STOM: variants seen among roughly 807,000 people sequenced by gnomAD.
The protein encoded by STOM is stomatin, also known as erythrocyte band 7 integral membrane protein.
A neutral mutation model predicts 30.6 loss-of-function variants in STOM; 25 were observed. That is an observed-to-expected ratio of 0.82 (90% CI 0.60 to 1.14). The LOEUF (loss-of-function observed/expected upper bound fraction) is 1.14. Among genes scored for constraint, STOM ranks in the 50% most tolerant of loss-of-function variants. The pLI is 0.00. For missense variants in STOM, 292 were observed against 365.2 expected, an observed-to-expected ratio of 0.80 and a Z score of 1.63; for synonymous variants, 118 against 130.8, an observed-to-expected ratio of 0.90 and a Z score of 0.67.
chr9:121,348,097 T>C lies in STOM; in HGVS notation c.578A>G (p.Glu193Gly). Residue 193 changes from glutamate (E) to glycine (G), a missense_variant, in exon 6 of 7, where the codon GAA becomes GGA. Coordinates refer to ENST00000286713, the MANE Select transcript of STOM (RefSeq NM_004099.6). ...DAWGIKVERV[E>G]IKDVKLPVQL... ...CACAGGTAGTTTCACATCCTTAATTTCCACACGCTCCACCTTTATTCCCCA... is the reference window on the plus strand; with the variant it reads ...CACAGGTAGTTTCACATCCTTAATTCCCACACGCTCCACCTTTATTCCCCA... The C allele has an allele frequency of 6.2e-7, 1 of 1,614,190 alleles. No individual in the cohort carries two copies. Among genetic ancestry groups the C allele is most frequent in the Non-Finnish European group, 8.5e-7 (1 of 1,180,032 alleles).
intron 4 of STOM, among the ~76,000 whole-genome samples, chr9:121,351,393 C>T (rs1478646381): frequency 6.6e-6 from 1 of 152,220 alleles, no homozygotes; most frequent in Non-Finnish European, 1.5e-5. Context: ...TCTGACCCCA[C>T]CCACTTCTTG....
At chr9:121,368,530 G>A (rs866409801) in intron 1 of STOM, among the ~76,000 whole-genome samples, 2 of 152,158 alleles carry the variant, frequency 1.3e-5, no homozygotes, top group Non-Finnish European at 2.9e-5. Context: ...TACAAACTAA[G>A]TGACTTTAAG....
chr9:121,361,631 T>A (rs1832757), intron 1 of STOM, among the ~76,000 whole-genome samples: 11 of 151,996 alleles, frequency 7.2e-5, no homozygotes, highest in South Asian at 2.1e-4. Flanking sequence ...CTCGTGATCC[T>A]CCGGCCTCGG....
intron 1 of STOM, 105 bp downstream of exon 1, chr9:121,370,022 C>A: frequency 9.0e-7 from 1 of 1,110,314 alleles, no homozygotes; most frequent in Non-Finnish European, 1.3e-6. Flanking sequence ...CTCGCCCAGC[C>A]CGAAGCAGCG....
At chr9:121,349,098 A>G in intron 5 of STOM, 22 bp downstream of exon 5, 1 of 1,610,180 alleles carries the variant, frequency 6.2e-7, no homozygotes, top group Non-Finnish European at 8.5e-7. Context: ...CTGGGGGGTA[A>G]CAGCATTGAC....
At chr9:121,369,522 A>T (rs541449587) in intron 1 of STOM, among the ~76,000 whole-genome samples, 1 of 152,282 alleles carries the variant, frequency 6.6e-6, no homozygotes, top group South Asian at 2.1e-4. Flanking sequence ...GAGGAACAAA[A>T]GCCGGGAAGG....
In STOM at chr9:121,339,012, A is replaced by G. The variant is rs552744839; in HGVS notation, c.*2190T>C. The G allele has an allele frequency of 6.6e-6, 1 of 152,410 alleles. No individual in the cohort carries two copies. Among genetic ancestry groups the G allele is most frequent in the African/African-American group, 2.4e-5 (1 of 41,570 alleles). The allele number at this position is 152,410 out of a possible 1,614,324, so 9.4% of individuals were successfully genotyped here. On this transcript the variant is annotated 3_prime_UTR_variant, in exon 7 of 7. Coordinates refer to ENST00000286713, the MANE Select transcript of STOM (RefSeq NM_004099.6). ...TCAGAACCGGAGGATCTAATGTACTACTTCTGAAAACGGAAATCCACAGAC... is the reference window on the plus strand; with the variant it reads ...TCAGAACCGGAGGATCTAATGTACTGCTTCTGAAAACGGAAATCCACAGAC...
At chr9:121,369,946 G>C in intron 1 of STOM, 181 bp downstream of exon 1, 1 of 561,264 alleles carries the variant, frequency 1.8e-6, no homozygotes, top group Non-Finnish European at 3.1e-6. Context: ...CCTCCATCGT[G>C]ACCTCAGTCT....
At chr9:121,349,362 C>CT (rs765033383) in intron 4 of STOM, 39 bp from the exon 5 acceptor site, 50 of 1,579,036 alleles carry the variant, frequency 3.2e-5, no homozygotes, top group Admixed American at 5.1e-5. Context: ...CTGTCAACGA[C>CT]TTTTTTTTAA....
At chr9:121,368,932 CAAAA>C (rs34631713) in intron 1 of STOM, among the ~76,000 whole-genome samples, 2 of 96,892 alleles carry the variant, frequency 2.1e-5, no homozygotes, top group Admixed American at 1.1e-4. Context: ...AACTCCGTCT[CAAAA>C]AAAAAAAAAA....
rs746992100 is a variant in STOM, at chr9:121,341,355, G to C, written c.714C>G (p.Ser238=). 2.8e-5 allele frequency: 45 copies of C among 1,613,896 alleles called. No individual in the cohort carries two copies. The highest frequency in any genetic ancestry group is 3.4e-4 in the Middle Eastern group (2 of 5,956). The change falls in exon 7 of 7, where the codon TCC becomes TCG. Residue 238 remains serine, a synonymous_variant. Transcript: ENST00000286713. ...CTGCAGGAGATTCAGTGATGACCAT[G>C]GAGGCTTCTTTCAGAGCCCTGGATG... ...MNASRALKEA[S]MVITESPAAL... is the part of the protein sequence containing the mutation.
At chr9:121,350,608 G>A (rs1218391739) in intron 4 of STOM, among the ~76,000 whole-genome samples, 1 of 152,194 alleles carries the variant, frequency 6.6e-6, no homozygotes, top group Non-Finnish European at 1.5e-5. Context: ...CTGCCTTCAG[G>A]TCCCTGGATG....
At chr9:121,341,658 G>A (rs1223282295) in intron 6 of STOM, among the ~76,000 whole-genome samples, 1 of 152,168 alleles carries the variant, frequency 6.6e-6, no homozygotes, top group African/African-American at 2.4e-5. Flanking sequence ...ATTTTCCAGG[G>A]TAACAAACAA....
chr9:121,355,708 C>G (rs1050330830), intron 2 of STOM, among the ~76,000 whole-genome samples: 2 of 152,116 alleles, frequency 1.3e-5, no homozygotes, highest in Non-Finnish European at 2.9e-5. Context: ...GGTGAGGAAA[C>G]AGCAAAGGTC....
intron 3 of STOM, 96 bp downstream of exon 3, chr9:121,354,505 A>G: frequency 1.0e-6 from 1 of 986,276 alleles, no homozygotes. Context: ...GGGCGACGGA[A>G]TGAAACCCTG....
rs1014107708 is a variant in STOM, at chr9:121,370,195, G to C, written c.-8C>G. 2 of 1,546,892 alleles carry C rather than the reference G, an allele frequency of 1.3e-6. No homozygotes were observed. Among genetic ancestry groups the C allele is most frequent in the African/African-American group, 2.7e-5 (2 of 73,006 alleles). ...GTGCCGCTTCTCGGCCATGCTGCCCGAGACGCAGTCGCACTCCCCCGTCCT... is the reference window on the plus strand; with the variant it reads ...GTGCCGCTTCTCGGCCATGCTGCCCCAGACGCAGTCGCACTCCCCCGTCCT... On this transcript the variant is annotated 5_prime_UTR_variant, in exon 1 of 7. Transcript: ENST00000286713.
intron 1 of STOM, among the ~76,000 whole-genome samples, chr9:121,362,580 T>G (rs888725618): frequency 6.6e-6 from 1 of 152,204 alleles, no homozygotes; most frequent in Admixed American, 6.5e-5. Context: ...AAAGATGAAA[T>G]TATACAACTC....
At chr9:121,362,282 T>C (rs1328455176) in intron 1 of STOM, among the ~76,000 whole-genome samples, 1 of 152,208 alleles carries the variant, frequency 6.6e-6, no homozygotes, top group Non-Finnish European at 1.5e-5. Flanking sequence ...TCTCTGGATG[T>C]TTTTTGCCTT....
At chr9:121,363,617 T>A (rs1330478691) in intron 1 of STOM, among the ~76,000 whole-genome samples, 1 of 152,238 alleles carries the variant, frequency 6.6e-6, no homozygotes. Context: ...ATAATTTTCA[T>A]GTGTAATGAA....
Sources: gnomAD v4.1 joint callset for allele counts (sites outside exome capture counted in the v4.1 genomes callset) on GRCh38, gnomAD v4.1.1 for gene constraint, MANE v1.5 for transcripts, NCBI Gene and HGNC (gene_info 2026-07-23, HGNC 2026-07-21) for gene names.